The following TRDN variants were observed in gnomAD, a reference collection of about 807,000 sequenced individuals.
TRDN encodes triadin, also known as triadin in skeletal muscle.
In TRDN, 161 loss-of-function variants were observed where a neutral mutation model predicts 149.7. The observed-to-expected ratio is 1.08, with a 90% CI of 0.95 to 1.23. The LOEUF is 1.23. Ranked by LOEUF, TRDN falls within the 50% of genes most tolerant of loss-of-function variation. The pLI, the probability that TRDN is intolerant of heterozygous loss-of-function variation, is 0.00. For synonymous variants in TRDN, 294 were observed against 250.5 expected (o/e 1.17, Z -1.64); for missense variants, 896 against 823.5 (o/e 1.09, Z -1.08).
chr6:123,329,764 T>G (rs1465780326), intron 23 of TRDN, among the ~76,000 whole-genome samples: 7 of 152,080 alleles, frequency 4.6e-5, no homozygotes, highest in Non-Finnish European at 7.4e-5. Flanking sequence ...TAAAAATGAC[T>G]AATTAAAATC....
intron 5 of TRDN, among the ~76,000 whole-genome samples, chr6:123,521,806 TACTC>T (rs1400024911): frequency 2.0e-5 from 3 of 152,100 alleles, no homozygotes; most frequent in Non-Finnish European, 4.4e-5. Context: ...CAGACAGACT[TACTC>T]AACAACTGAG....
chr6:123,428,163 G>A (rs947292070), intron 12 of TRDN, among the ~76,000 whole-genome samples: 2 of 152,048 alleles, frequency 1.3e-5, no homozygotes, highest in East Asian at 1.9e-4. Flanking sequence ...ATTTCAGCTC[G>A]AATGTTTTGG....
chr6:123,297,446 A>T (rs1409553340), intron 24 of TRDN, among the ~76,000 whole-genome samples: 2 of 152,044 alleles, frequency 1.3e-5, no homozygotes, highest in Non-Finnish European at 2.9e-5. Context: ...AGTAGATATG[A>T]TTAATCAGAA....
At chr6:123,542,859 CGT>C (rs10678221) in intron 4 of TRDN, among the ~76,000 whole-genome samples, 4,386 of 146,912 alleles carry the variant, frequency 0.03, 69 homozygotes, top group African/African-American at 0.056. Flanking sequence ...TGCATGTTTG[CGT>C]GTGTGTGTGT....
At chr6:123,225,680 C>G (rs1027362531) in intron 38 of TRDN, among the ~76,000 whole-genome samples, 3 of 151,510 alleles carry the variant, frequency 2.0e-5, no homozygotes, top group African/African-American at 7.3e-5. Flanking sequence ...ATTTTTATTT[C>G]TCACTTATAT....
chr6:123,328,339 G>A (rs987111269), intron 23 of TRDN, among the ~76,000 whole-genome samples: 1 of 151,412 alleles, frequency 6.6e-6, no homozygotes, highest in African/African-American at 2.5e-5. Flanking sequence ...TACTGAAGAT[G>A]GCAGAGGCCG....
Position 123,287,657 on chromosome 6 carries a change from A to G in TRDN, c.1511-8575T>C, listed in dbSNP as rs189562853. ...CAATAGATAAAGCTAAAAACAGAGCATGCTTGTGTTGATCATGGTATGTCA... is the reference window on the plus strand; with the variant it reads ...CAATAGATAAAGCTAAAAACAGAGCGTGCTTGTGTTGATCATGGTATGTCA... On this transcript the variant is annotated intron_variant, in intron 24 of 40. Transcript: ENST00000334268. Among the ~76,000 whole-genome samples, 21 of 152,286 alleles carry G rather than the reference A, an allele frequency of 1.4e-4. No individual in the cohort carries two copies. The East Asian group carries it at 1.9e-3, about 14-fold the overall frequency.
chr6:123,313,661 G>A (rs1778915041), intron 24 of TRDN, among the ~76,000 whole-genome samples: 1 of 151,618 alleles, frequency 6.6e-6, no homozygotes, highest in Non-Finnish European at 1.5e-5. Flanking sequence ...CAGAGTACAA[G>A]AACAGAGACA....
At chr6:123,329,141 T>A (rs1022787786) in intron 23 of TRDN, among the ~76,000 whole-genome samples, 2 of 152,154 alleles carry the variant, frequency 1.3e-5, no homozygotes, top group Non-Finnish European at 2.9e-5. Context: ...TGAATCAGAA[T>A]CTTTGGTCAT....
chr6:123,424,022 CCATT>C (rs1774017173), intron 12 of TRDN, among the ~76,000 whole-genome samples: 1 of 152,038 alleles, frequency 6.6e-6, no homozygotes, highest in African/African-American at 2.4e-5. Flanking sequence ...AGGGGAAGGG[CCATT>C]CACCAAATGA....
At chr6:123,528,373 T>C (rs1296659351) in intron 5 of TRDN, among the ~76,000 whole-genome samples, 2 of 151,864 alleles carry the variant, frequency 1.3e-5, no homozygotes, top group African/African-American at 4.8e-5. Flanking sequence ...GAATATCATA[T>C]TGTCCCTTGA....
intron 38 of TRDN, among the ~76,000 whole-genome samples, chr6:123,225,328 C>G (rs1582740862): frequency 6.6e-6 from 1 of 151,692 alleles, no homozygotes; most frequent in South Asian, 2.1e-4. Context: ...ATGGAGGTTC[C>G]TCAAAAATTT....
intron 18 of TRDN, 28 bp downstream of exon 18, chr6:123,377,688 G>A (rs780148059): frequency 4.3e-6 from 7 of 1,612,466 alleles, no homozygotes; most frequent in East Asian, 2.2e-5. Context: ...ATGAGTATTC[G>A]GAATCCAGCA....
At chr6:123,309,290 C>T (rs1164633341) in intron 24 of TRDN, among the ~76,000 whole-genome samples, 1 of 151,794 alleles carries the variant, frequency 6.6e-6, no homozygotes, top group Non-Finnish European at 1.5e-5. Context: ...AGCCATGTGA[C>T]TCCTGGAATG....
chr6:123,522,517 CTTTT>C (rs375665403), intron 5 of TRDN, among the ~76,000 whole-genome samples: 5 of 87,222 alleles, frequency 5.7e-5, no homozygotes, highest in Non-Finnish European at 8.0e-5. Flanking sequence ...TGCGGTTCCT[CTTTT>C]TTTTTTTTTT....
At chr6:123,383,909 T>C (rs1781812566) in intron 14 of TRDN, among the ~76,000 whole-genome samples, 1 of 152,094 alleles carries the variant, frequency 6.6e-6, no homozygotes, top group Non-Finnish European at 1.5e-5. Context: ...AGACAAAACA[T>C]TTGCTTAGTC....
At chr6:123,313,154 A>C (rs796432986) in intron 24 of TRDN, among the ~76,000 whole-genome samples, 18 of 152,054 alleles carry the variant, frequency 1.2e-4, no homozygotes, top group African/African-American at 4.1e-4. Context: ...GTTATTCTCT[A>C]TGCTAGCTAT....
chr6:123,400,635 TACCAGG>T lies in TRDN; in HGVS notation c.1052-6964_1052-6959del. Among the ~76,000 whole-genome samples, 5 of 152,256 alleles carry T rather than the reference TACCAGG, an allele frequency of 3.3e-5. No individual in the cohort carries two copies. In the Middle Eastern group the frequency reaches 0.017, roughly 518 times the overall value. The stretch of plus-strand genomic sequence containing the variant: ...TGGTTCCTATCAGGCCACAGACCAG[TACCAGG>T]GTTTGGGGACCCGTGCTCTAATGCC... On this transcript the variant is annotated intron_variant, in intron 12 of 40. Transcript: ENST00000334268.
intron 1 of TRDN, among the ~76,000 whole-genome samples, chr6:123,626,482 C>A (rs1023599784): frequency 1.3e-5 from 2 of 151,756 alleles, no homozygotes; most frequent in African/African-American, 4.8e-5. Flanking sequence ...GAAAAAAAAA[C>A]AACAACAAAA....
Sources: gnomAD v4.1 joint callset for allele counts (sites outside exome capture counted in the v4.1 genomes callset) on GRCh38, gnomAD v4.1.1 for gene constraint, MANE v1.5 for transcripts, NCBI Gene and HGNC (gene_info 2026-07-23, HGNC 2026-07-21) for gene names.